Variants in TUB observed in about 807,000 individuals in gnomAD.
The protein encoded by TUB is tubby protein homolog.
In TUB, 33 loss-of-function variants were observed where a neutral mutation model predicts 59.7. The ratio of observed to expected loss-of-function variants is 0.55; its 90% CI spans 0.42 to 0.74. The LOEUF is 0.74. TUB is among the 30% of genes least tolerant of loss of function. The probability of loss-of-function intolerance (pLI) is 0.00; values close to 1 mark genes in which losing one functional copy is unlikely to be tolerated. For missense variants in TUB, 659 were observed against 672.0 expected (o/e 0.98, Z 0.21); for synonymous variants, 293 against 256.4 (o/e 1.14, Z -1.36).
chr11:8,031,025 C>A lies in TUB; in HGVS notation c.56+11667C>A, dbSNP rs1942563622. On this transcript the variant is annotated intron_variant, in intron 1 of 11. Transcript: ENST00000534099. ...TCACCAAGTGTTCAGACAACAGAGG[C>A]AATGACGGGTTGGGCTCTGAGAGAA... Among the ~76,000 whole-genome samples, 3 of 152,202 alleles carry A rather than the reference C, an allele frequency of 2.0e-5. No individual in the cohort carries two copies. The South Asian group carries it at 6.2e-4, about 31-fold the overall frequency.
At chr11:8,022,718 T>C (rs1340751128) in intron 1 of TUB, among the ~76,000 whole-genome samples, 2 of 152,218 alleles carry the variant, frequency 1.3e-5, no homozygotes, top group East Asian at 3.9e-4. Flanking sequence ...GGTGAAACCC[T>C]GTCTCTACTA....
chr11:8,074,723 G>A (rs577797304), intron 2 of TUB, among the ~76,000 whole-genome samples: 1 of 143,506 alleles, frequency 7.0e-6, no homozygotes, highest in Admixed American at 7.0e-5. Flanking sequence ...CTGGGTGATA[G>A]AGTGAGACCT....
chr11:8,056,973 A>T (rs951075427), intron 2 of TUB, among the ~76,000 whole-genome samples: 1 of 152,112 alleles, frequency 6.6e-6, no homozygotes, highest in Non-Finnish European at 1.5e-5. Flanking sequence ...TTCCCCCTCA[A>T]AGTTGAGGAA....
chr11:8,031,463 G>A (rs1341330831), intron 1 of TUB, among the ~76,000 whole-genome samples: 1 of 152,218 alleles, frequency 6.6e-6, no homozygotes, highest in Non-Finnish European at 1.5e-5. Context: ...CGCTTAGGTC[G>A]CTGAGCCAAA....
rs1298816905 is a variant in TUB at position 8,101,853 on chromosome 11, C to T, written c.*234C>T. ...GTGAAGGGATGAGAATAATTCTTTC[C>T]ATGCCACGAGATCAACACACACTCC... On this transcript the variant is annotated 3_prime_UTR_variant, in exon 12 of 12. Coordinates refer to ENST00000299506, the MANE Select transcript of TUB (RefSeq NM_177972.3). 1 of 581,756 alleles carries T rather than the reference C, an allele frequency of 1.7e-6. No homozygotes were observed. Among genetic ancestry groups the T allele is most frequent in the African/African-American group, 1.9e-5 (1 of 51,506 alleles). 36.0% of individuals were successfully genotyped at this position (581,756 alleles called of 1,614,324 possible). A position where few individuals can be genotyped will look rare whatever the true frequency, so the allele number is the denominator to read the frequency against.
At chr11:8,020,013 C>G (rs1170502943) in intron 1 of TUB, among the ~76,000 whole-genome samples, 1 of 152,176 alleles carries the variant, frequency 6.6e-6, no homozygotes, top group Non-Finnish European at 1.5e-5. Context: ...ACGCACTCGT[C>G]CTGGAGGAAG....
chr11:8,082,046 C>T (rs1246429618), intron 1 of TUB, among the ~76,000 whole-genome samples: 7 of 152,152 alleles, frequency 4.6e-5, no homozygotes, highest in Admixed American at 1.3e-4. Context: ...GACATGCACC[C>T]GTATATTCTA....
chr11:8,057,540 C>CT (rs1652337155), intron 2 of TUB, among the ~76,000 whole-genome samples: 1 of 152,198 alleles, frequency 6.6e-6, no homozygotes, highest in African/African-American at 2.4e-5. Flanking sequence ...TAATCTATAA[C>CT]TAAGATTCGA....
intron 2 of TUB, among the ~76,000 whole-genome samples, chr11:8,042,058 T>C (rs1264032842): frequency 6.6e-6 from 1 of 152,180 alleles, no homozygotes; most frequent in Non-Finnish European, 1.5e-5. Context: ...TGTATGACCA[T>C]CACTACAATT....
chr11:8,037,768 A>C (rs959444172), upstream of TUB, among the ~76,000 whole-genome samples: 6 of 152,152 alleles, frequency 3.9e-5, no homozygotes, highest in African/African-American at 1.4e-4. Context: ...GGGCGGACTA[A>C]AGTAGCTTAG....
At chr11:8,094,256 T>A in intron 4 of TUB, 67 bp downstream of exon 4, 1 of 1,515,786 alleles carries the variant, frequency 6.6e-7, no homozygotes, top group Non-Finnish European at 8.9e-7. Context: ...GGGGAAGGTT[T>A]GTCCTCCTGA....
At chr11:8,027,721 G>T (rs183168344) in intron 1 of TUB, among the ~76,000 whole-genome samples, 1 of 152,050 alleles carries the variant, frequency 6.6e-6, no homozygotes, top group Non-Finnish European at 1.5e-5. Flanking sequence ...CTCCATGTTG[G>T]CCAGGCTGGT....
At chr11:8,061,625 G>A (rs1253539280) in intron 2 of TUB, among the ~76,000 whole-genome samples, 2 of 152,064 alleles carry the variant, frequency 1.3e-5, no homozygotes, top group Non-Finnish European at 2.9e-5. Flanking sequence ...GATCTTGCTA[G>A]TTTGCTCTGT....
intron 7 of TUB, 80 bp from the exon 8 acceptor site, chr11:8,097,634 A>G (rs543788448): frequency 7.3e-7 from 1 of 1,367,660 alleles, no homozygotes; most frequent in Non-Finnish European, 1.0e-6. Context: ...CGCAACGGAG[A>G]GAGTCTGTGT....
chr11:8,038,181 C>G (rs1459802927), upstream of TUB, among the ~76,000 whole-genome samples: 1 of 152,164 alleles, frequency 6.6e-6, no homozygotes, highest in East Asian at 1.9e-4. Flanking sequence ...ACGTGAGGTG[C>G]TGTGGGACAT....
At chr11:8,032,112 G>C (rs1942582318) in intron 1 of TUB, among the ~76,000 whole-genome samples, 1 of 151,786 alleles carries the variant, frequency 6.6e-6, no homozygotes, top group African/African-American at 2.4e-5. Context: ...CCCGCCTGGG[G>C]AAAGGCCGGG....
intron 2 of TUB, among the ~76,000 whole-genome samples, chr11:8,054,318 T>C (rs1362122756): frequency 6.6e-6 from 1 of 152,210 alleles, no homozygotes; most frequent in Admixed American, 6.5e-5. Context: ...TCTAGAAATA[T>C]AGTAAGATTC....
chr11:8,064,163 C>T (rs1007668502), intron 2 of TUB, among the ~76,000 whole-genome samples: 3 of 152,210 alleles, frequency 2.0e-5, no homozygotes, highest in African/African-American at 7.2e-5. Context: ...GTTTCCAAAG[C>T]TCTGAGGCTG....
At chr11:8,056,209 A>G (rs943796973) in intron 2 of TUB, among the ~76,000 whole-genome samples, 1 of 152,106 alleles carries the variant, frequency 6.6e-6, no homozygotes, top group Non-Finnish European at 1.5e-5. Context: ...ACCACGAGGA[A>G]GTGCACCCTA....
Sources: allele counts gnomAD v4.1 joint callset (sites outside exome capture counted in the v4.1 genomes callset), GRCh38; gene constraint gnomAD v4.1.1; transcripts MANE v1.5; gene names NCBI Gene and HGNC (gene_info 2026-07-23, HGNC 2026-07-21).